Variants in SEMA3E observed in about 807,000 individuals in gnomAD.
SEMA3E encodes semaphorin-3E.
In SEMA3E, 49 loss-of-function variants were observed where a neutral mutation model predicts 93.6. The ratio of observed to expected loss-of-function variants is 0.52; its 90% CI spans 0.42 to 0.66. SEMA3E has a LOEUF of 0.66. SEMA3E is among the 30% of genes least tolerant of loss of function. SEMA3E has a pLI of 0.00. For synonymous variants in SEMA3E, 363 were observed against 330.7 expected, an observed-to-expected ratio of 1.10 and a Z score of -1.06; for missense variants, 906 against 964.8, an observed-to-expected ratio of 0.94 and a Z score of 0.81.
intron 11 of SEMA3E, among the ~76,000 whole-genome samples, chr7:83,399,594 C>G (rs1788196553): frequency 6.6e-6 from 1 of 152,188 alleles, no homozygotes; most frequent in South Asian, 2.1e-4. Flanking sequence ...CTATGACACT[C>G]TACTTCCACT....
intron 4 of SEMA3E, among the ~76,000 whole-genome samples, chr7:83,421,975 C>G (rs1047643660): frequency 5.3e-5 from 8 of 152,000 alleles, no homozygotes; most frequent in Admixed American, 6.6e-5. Flanking sequence ...GTTGGGAGTT[C>G]GAGACCAGCC....
chr7:83,581,934 A>G (rs1482135010), intron 1 of SEMA3E, among the ~76,000 whole-genome samples: 1 of 151,996 alleles, frequency 6.6e-6, no homozygotes, highest in African/African-American at 2.4e-5. Flanking sequence ...AAGTAATTGA[A>G]TTAACCTCAA....
chr7:83,376,274 A>G (rs1450822260), intron 16 of SEMA3E, among the ~76,000 whole-genome samples: 1 of 152,062 alleles, frequency 6.6e-6, no homozygotes, highest in Non-Finnish European at 1.5e-5. Flanking sequence ...CTACCATAGG[A>G]TAGCATTGGT....
intron 1 of SEMA3E, among the ~76,000 whole-genome samples, chr7:83,560,326 G>A (rs1792003171): frequency 6.6e-6 from 1 of 152,020 alleles, no homozygotes; most frequent in African/African-American, 2.4e-5. Flanking sequence ...GGGGCGGGGA[G>A]TATATGAGAA....
intron 1 of SEMA3E, among the ~76,000 whole-genome samples, chr7:83,604,026 T>C (rs1468350112): frequency 1.3e-5 from 2 of 152,132 alleles, no homozygotes; most frequent in East Asian, 3.9e-4. Context: ...GTAGAGAGAA[T>C]GAAGAGATTC....
In SEMA3E at chr7:83,578,171, A is replaced by G. The variant is rs13225782; in HGVS notation, c.115+70257T>C. ...TTAAAAAAAAACAGGATTAAATGAT[A>G]AAATAGTTTCATTTACCACCAGGGA... is the stretch of plus-strand genomic sequence containing the variant. On this transcript the variant is annotated intron_variant, in intron 1 of 16. Transcript: ENST00000643230. 2.9e-3 allele frequency among the ~76,000 whole-genome samples: 442 copies of G among 152,224 alleles called. 1 individual carries two copies. The highest frequency in any genetic ancestry group is 4.7e-3 in the Non-Finnish European group (323 of 68,012).
intron 2 of SEMA3E, among the ~76,000 whole-genome samples, chr7:83,480,205 C>T (rs578066744): frequency 2.6e-5 from 4 of 152,268 alleles, no homozygotes; most frequent in Admixed American, 2.6e-4. Context: ...CTTTGAGAGA[C>T]CTAGGCAGGT....
At chr7:83,468,049 A>G (rs1012563834) in intron 3 of SEMA3E, among the ~76,000 whole-genome samples, 6 of 152,226 alleles carry the variant, frequency 3.9e-5, no homozygotes, top group South Asian at 2.1e-4. Context: ...CTTGAAATCA[A>G]TACATGCAAT....
At chr7:83,490,377 A>G in intron 1 of SEMA3E, 103 bp from the exon 2 acceptor site, 1 of 1,115,482 alleles carries the variant, frequency 9.0e-7, no homozygotes, top group Non-Finnish European at 1.3e-6. Flanking sequence ...GAACTGAGTC[A>G]TTAACATTCA....
intron 1 of SEMA3E, among the ~76,000 whole-genome samples, chr7:83,528,857 C>T (rs1013863073): frequency 2.6e-5 from 4 of 152,026 alleles, no homozygotes; most frequent in Non-Finnish European, 4.4e-5. Flanking sequence ...TTAGTGTTCT[C>T]TACCTTCAGA....
intron 1 of SEMA3E, among the ~76,000 whole-genome samples, chr7:83,620,956 A>G (rs1374502391): frequency 6.6e-6 from 1 of 152,134 alleles, no homozygotes; most frequent in Non-Finnish European, 1.5e-5. Context: ...GCCTTCTCTC[A>G]CCACTCTTAG....
chr7:83,628,207 T>C (rs1487820461), intron 1 of SEMA3E, among the ~76,000 whole-genome samples: 2 of 152,190 alleles, frequency 1.3e-5, no homozygotes, highest in Non-Finnish European at 2.9e-5. Flanking sequence ...TGGGCTTCCC[T>C]TTGTGGGTAA....
At chr7:83,460,097 C>G (rs1392217835) in intron 4 of SEMA3E, among the ~76,000 whole-genome samples, 1 of 152,178 alleles carries the variant, frequency 6.6e-6, no homozygotes, top group Non-Finnish European at 1.5e-5. Flanking sequence ...GTTTGGTGGT[C>G]TCTTCACACG....
intron 4 of SEMA3E, among the ~76,000 whole-genome samples, chr7:83,454,272 A>AAAAAAAAATATATATAT (rs1257792756): frequency 1.8e-5 from 2 of 110,136 alleles, no homozygotes; most frequent in African/African-American, 8.7e-5. Flanking sequence ...AAAAAAAAAA[A>AAAAAAAAATATATATAT]ATATATATAT....
intron 1 of SEMA3E, among the ~76,000 whole-genome samples, chr7:83,523,133 G>A (rs1195925813): frequency 1.3e-5 from 2 of 152,076 alleles, no homozygotes; most frequent in Non-Finnish European, 2.9e-5. Context: ...GAGCAAATGA[G>A]CATCAGAGAT....
rs377376261 is a variant in SEMA3E, at chr7:83,450,870, G to C, written c.456+15612C>G. On this transcript the variant is annotated intron_variant, in intron 4 of 16. Transcript: ENST00000643230. ...ATGTTACCACTAAACCGTTCCAAGA[G>C]TTGGCAGAATCTATATAATTAAAGA... 1.1e-4 allele frequency among the ~76,000 whole-genome samples: 17 copies of C among 152,272 alleles called. No individual in the cohort carries two copies. The East Asian group carries it at 2.9e-3, about 26-fold the overall frequency.
At chr7:83,622,958 A>G (rs1793596822) in intron 1 of SEMA3E, among the ~76,000 whole-genome samples, 1 of 152,180 alleles carries the variant, frequency 6.6e-6, no homozygotes, top group African/African-American at 2.4e-5. Flanking sequence ...AAACCTGCAC[A>G]TCCCGCACAT....
chr7:83,624,002 G>A lies in SEMA3E; in HGVS notation c.115+24426C>T, dbSNP rs531890883. On this transcript the variant is annotated intron_variant, in intron 1 of 16. Coordinates refer to ENST00000643230, the MANE Select transcript of SEMA3E (RefSeq NM_012431.3). ...TGGTTTTCTGTTCCTGTGTTAGTTTGCTGAGAATGATAGTTTCTAGCTTCA... is the reference window on the plus strand; with the variant it reads ...TGGTTTTCTGTTCCTGTGTTAGTTTACTGAGAATGATAGTTTCTAGCTTCA... Among the ~76,000 whole-genome samples, 23 of 151,148 alleles carry A rather than the reference G, an allele frequency of 1.5e-4. 1 individual carries two copies. In the South Asian group the frequency reaches 4.8e-3, roughly 32 times the overall value.
chr7:83,408,626 T>G, intron 5 of SEMA3E, 139 bp from the exon 6 acceptor site: 1 of 1,008,304 alleles, frequency 9.9e-7, no homozygotes, highest in Non-Finnish European at 1.5e-6. Context: ...ATGGATGGTA[T>G]AGTAAGACTC....
Sources: allele counts gnomAD v4.1 joint callset (sites outside exome capture counted in the v4.1 genomes callset), GRCh38; gene constraint gnomAD v4.1.1; transcripts MANE v1.5; gene names NCBI Gene and HGNC (gene_info 2026-07-23, HGNC 2026-07-21).